Variants in APOO observed in about 807,000 individuals in gnomAD.
The protein encoded by APOO is apolipoprotein O.
Under a neutral mutation model 23.1 loss-of-function variants are expected in APOO, and 11 were observed. The observed-to-expected ratio is 0.48, with a 90% CI of 0.30 to 0.79. APOO has a LOEUF of 0.79. Among genes scored for constraint, APOO ranks in the 30% least tolerant of loss-of-function variants. The pLI is 0.07. For synonymous variants in APOO, 59 were observed against 54.8 expected (o/e 1.08, Z -0.34); for missense variants, 160 against 142.7 (o/e 1.12, Z -0.62).
intron 7 of APOO, 83 bp downstream of exon 7, chrX:23,856,219 C>G: frequency 6.3e-6 from 6 of 947,727 alleles, no homozygotes; most frequent in Non-Finnish European, 7.4e-6. Flanking sequence ...AATAAATCAA[C>G]AGGGTTATCA....
chrX:23,848,688 C>CTTT (rs762700350), intron 7 of APOO, among the ~76,000 whole-genome samples: 1 of 95,288 alleles, frequency 1.0e-5, no homozygotes, highest in Non-Finnish European at 2.1e-5. Flanking sequence ...ATTTTCTTTT[C>CTTT]TTTTTTTTTT....
At chrX:23,868,942 C>T (rs1422258636) in intron 4 of APOO, among the ~76,000 whole-genome samples, 1 of 98,460 alleles carries the variant, frequency 1.0e-5, no homozygotes, top group Non-Finnish European at 2.0e-5. Context: ...AAGTTTTGCT[C>T]TTGTCGCCCA....
At chrX:23,855,367 A>G (rs1322207978) in intron 7 of APOO, among the ~76,000 whole-genome samples, 2 of 111,539 alleles carry the variant, frequency 1.8e-5, no homozygotes, top group African/African-American at 6.5e-5. Context: ...TAAATAATAA[A>G]GAGGGCTTAT....
At chrX:23,861,826 C>T (rs998956332) in intron 5 of APOO, among the ~76,000 whole-genome samples, 56 of 90,769 alleles carry the variant, frequency 6.2e-4, no homozygotes, top group African/African-American at 2.1e-3. Flanking sequence ...TTTCCCGAGA[C>T]GGAGTCTTGC....
intron 7 of APOO, among the ~76,000 whole-genome samples, chrX:23,855,181 T>TG (rs1924727684): frequency 9.2e-6 from 1 of 108,594 alleles, no homozygotes; most frequent in African/African-American, 3.3e-5. Context: ...TATGCCACCA[T>TG]GCCCAGCTAA....
At chrX:23,849,397 G>C (rs186204235) in intron 7 of APOO, among the ~76,000 whole-genome samples, 1,793 of 107,813 alleles carry the variant, frequency 0.017, 45 homozygotes, top group African/African-American at 0.057. Context: ...CAAGTAGCCC[G>C]TGCATCCAGC....
intron 1 of APOO, among the ~76,000 whole-genome samples, chrX:23,882,337 T>C (rs181483395): frequency 1.8e-5 from 2 of 112,594 alleles, no homozygotes; most frequent in African/African-American, 6.4e-5. Flanking sequence ...ATATTTTAGC[T>C]GGCATTACGT....
At chrX:23,867,031 C>T (rs751445376) in intron 5 of APOO, among the ~76,000 whole-genome samples, 1 of 108,309 alleles carries the variant, frequency 9.2e-6, no homozygotes, top group African/African-American at 3.4e-5. Context: ...ACCCAGGAGG[C>T]GGAGGGTGCA....
chrX:23,889,656 GTTTTTTTTTTTTTT>G (rs138373055), intron 1 of APOO, among the ~76,000 whole-genome samples: 8 of 61,876 alleles, frequency 1.3e-4, no homozygotes, highest in Non-Finnish European at 2.0e-4. Flanking sequence ...CTGGGGAGTT[GTTTTTTTTTTTTTT>G]TTTTTTTTTT....
intron 1 of APOO, among the ~76,000 whole-genome samples, chrX:23,895,164 C>CCA (rs1183553451): frequency 5.5e-4 from 60 of 109,583 alleles, no homozygotes; most frequent in African/African-American, 1.2e-3. Flanking sequence ...TTCATTATCT[C>CCA]CACACACACA....
intron 5 of APOO, among the ~76,000 whole-genome samples, chrX:23,867,749 A>G (rs1254395899): frequency 9.0e-6 from 1 of 110,941 alleles, no homozygotes; most frequent in East Asian, 2.8e-4. Context: ...TCACCGTGTT[A>G]GCCAGGATGG....
At chrX:23,860,257 G>C in intron 5 of APOO, among the ~76,000 whole-genome samples, 1 of 110,811 alleles carries the variant, frequency 9.0e-6, no homozygotes, top group Non-Finnish European at 1.9e-5. Context: ...CAGGGAGCAA[G>C]ACAAGGGCAC....
chrX:23,860,125 C>CCTTGAAAT (rs1047035607), intron 5 of APOO, among the ~76,000 whole-genome samples: 24 of 111,344 alleles, frequency 2.2e-4, no homozygotes, highest in Non-Finnish European at 3.6e-4. Context: ...GGACACACTG[C>CCTTGAAAT]CTTGAAATCT....
In APOO at chrX:23,874,443, T is replaced by A; in HGVS notation, c.252A>T (p.Gln84His). ...CCAAACTTTGCATCTTGGGCTTAGT[T>A]TGGGAGTACGTTTCCTAAAAAGGTA... The part of the protein sequence containing the change: ...YTTWCQETYS[Q>H]TKPKMQSLVQ... Residue 84 changes from glutamine to histidine, a missense_variant, in exon 4 of 9, where the codon CAA becomes CAT. By Grantham distance (24) the Gln-to-His change is conservative (BLOSUM62 0). Transcript: ENST00000379226. The A allele has an allele frequency of 8.3e-7, 1 of 1,209,979 alleles. No homozygotes were observed. Among genetic ancestry groups the A allele is most frequent in the Non-Finnish European group, 1.1e-6 (1 of 893,954 alleles).
chrX:23,866,648 G>C (rs2146999261), intron 5 of APOO, among the ~76,000 whole-genome samples: 1 of 111,067 alleles, frequency 9.0e-6, no homozygotes, highest in African/African-American at 3.3e-5. Context: ...AATTACCTGG[G>C]CATGGTGGCA....
chrX:23,847,690 G>C (rs1924311618), intron 7 of APOO, among the ~76,000 whole-genome samples: 1 of 106,786 alleles, frequency 9.4e-6, no homozygotes, highest in Non-Finnish European at 1.9e-5. Context: ...GAGTGGAGTG[G>C]TACGAACACA....
chrX:23,876,124 C>T (rs923872276), intron 3 of APOO, among the ~76,000 whole-genome samples: 2 of 110,197 alleles, frequency 1.8e-5, no homozygotes, highest in Non-Finnish European at 3.8e-5. Context: ...ATTAGCCGGG[C>T]GTGGTGGCAG....
intron 5 of APOO, among the ~76,000 whole-genome samples, chrX:23,861,547 A>G (rs777277697): frequency 2.9e-4 from 30 of 102,667 alleles, no homozygotes; most frequent in African/African-American, 1.0e-3. Context: ...GTGATAAAGC[A>G]AGATCCTGTC....
intron 1 of APOO, among the ~76,000 whole-genome samples, chrX:23,889,846 A>G (rs1666471518): frequency 9.1e-6 from 1 of 109,304 alleles, no homozygotes; most frequent in African/African-American, 3.3e-5. Context: ...TATTTTTAGT[A>G]GAGACGGGGT....
Sources: gnomAD v4.1 joint callset for allele counts (sites outside exome capture counted in the v4.1 genomes callset) on GRCh38, gnomAD v4.1.1 for gene constraint, MANE v1.5 for transcripts, NCBI Gene and HGNC (gene_info 2026-07-23, HGNC 2026-07-21) for gene names.